Variants in TMEM178B observed in about 807,000 individuals in gnomAD.
The protein encoded by TMEM178B is transmembrane protein 178B.
A neutral mutation model predicts 31.0 loss-of-function variants in TMEM178B; 5 were observed. The ratio of observed to expected loss-of-function variants is 0.16; its 90% confidence interval spans 0.08 to 0.34. The LOEUF is 0.34. Ranked by LOEUF, TMEM178B falls within the 10% of genes least tolerant of loss-of-function variation. The pLI is 1.00. For synonymous variants in TMEM178B, 164 were observed against 164.0 expected, an observed-to-expected ratio of 1.00 and a Z score of 0.00; for missense variants, 275 against 400.3, an observed-to-expected ratio of 0.69 and a Z score of 2.67.
At chr7:141,281,528 C>T (rs552007910) in intron 2 of TMEM178B, among the ~76,000 whole-genome samples, 23 of 152,314 alleles carry the variant, frequency 1.5e-4, no homozygotes, top group Non-Finnish European at 2.9e-4. Context: ...ATACTGGGAA[C>T]ATGAAGTCCA....
At chr7:141,411,206 G>A (rs1055756485) in intron 2 of TMEM178B, among the ~76,000 whole-genome samples, 4 of 151,588 alleles carry the variant, frequency 2.6e-5, no homozygotes, top group South Asian at 4.2e-4. Flanking sequence ...CATTTTACTC[G>A]AATAAAATAA....
the TMEM178B span, among the ~76,000 whole-genome samples, chr7:141,504,130 C>T: frequency 2.6e-5 from 4 of 152,218 alleles, no homozygotes; most frequent in African/African-American, 7.2e-5. Flanking sequence ...ATTCTAATCA[C>T]ACCTGTTTCT....
At chr7:141,339,417 T>A (rs895711620) in intron 2 of TMEM178B, among the ~76,000 whole-genome samples, 1 of 152,150 alleles carries the variant, frequency 6.6e-6, no homozygotes, top group Non-Finnish European at 1.5e-5. Context: ...CAGCAATGGT[T>A]CAGGAAACCA....
chr7:141,150,149 C>T (rs1376025442), intron 1 of TMEM178B, among the ~76,000 whole-genome samples: 2 of 152,070 alleles, frequency 1.3e-5, no homozygotes, highest in African/African-American at 4.8e-5. Flanking sequence ...GAGTCAGAAG[C>T]TGAGCCAGAG....
chr7:141,331,740 T>C (rs7799561), intron 2 of TMEM178B, among the ~76,000 whole-genome samples: 15,091 of 152,158 alleles, frequency 0.099, 1,663 homozygotes, highest in African/African-American at 0.28. Context: ...ACAGTTTCAG[T>C]GGCTGATGCA....
At position 141,247,031 on chromosome 7, in the gene TMEM178B, G is replaced by A. The variant is rs554396421; in HGVS notation, c.496+34327G>A. On this transcript the variant is annotated intron_variant, in intron 2 of 3. Coordinates refer to ENST00000565468, the MANE Select transcript of TMEM178B (RefSeq NM_001195278.2). ...GTCAGGGAACATGTGTCTCTGATTC[G>A]CGATAGGACTTTTCCCAGTATCTAG... 4.1e-4 allele frequency among the ~76,000 whole-genome samples: 63 copies of A among 152,144 alleles called. 1 individual carries two copies. The highest frequency in any genetic ancestry group is 1.4e-3 in the African/African-American group (59 of 41,492).
At chr7:141,347,208 C>A (rs913206591) in intron 2 of TMEM178B, among the ~76,000 whole-genome samples, 1 of 152,040 alleles carries the variant, frequency 6.6e-6, no homozygotes, top group Non-Finnish European at 1.5e-5. Context: ...AGTGCGAGAA[C>A]GAGAACAGCC....
intron 2 of TMEM178B, among the ~76,000 whole-genome samples, chr7:141,294,681 T>C (rs1798601589): frequency 6.6e-6 from 1 of 152,298 alleles, no homozygotes; most frequent in South Asian, 2.1e-4. Context: ...CAAAGTTGGT[T>C]TCAGGGGGCA....
Position 141,374,123 on chromosome 7 carries a change from C to A in TMEM178B, c.497-63485C>A, listed in dbSNP as rs536953673. Among the ~76,000 whole-genome samples the A allele has an allele frequency of 4.6e-5, 7 of 152,262 alleles. No homozygotes were observed. The East Asian group carries it at 1.4e-3, about 29-fold the overall frequency. ...CTGGGTCACCAAGGTAAGCGTGTTT[C>A]TGATGTGAAGTCCGGGACTGTAAAC... On this transcript the variant is annotated intron_variant, in intron 2 of 3. Coordinates refer to ENST00000565468, the MANE Select transcript of TMEM178B (RefSeq NM_001195278.2).
At chr7:141,154,086 A>C (rs903430256) in intron 1 of TMEM178B, among the ~76,000 whole-genome samples, 2 of 152,210 alleles carry the variant, frequency 1.3e-5, no homozygotes, top group African/African-American at 4.8e-5. Flanking sequence ...CAACTTTCCC[A>C]TTTCTATTTA....
chr7:141,173,324 A>G (rs1796377094), intron 1 of TMEM178B: 1 of 152,288 alleles, frequency 6.6e-6, no homozygotes, highest in African/African-American at 2.4e-5. Flanking sequence ...CCCAGTACCT[A>G]GTACCATGCC....
At chr7:141,366,277 T>G (rs1339780973) in intron 2 of TMEM178B, among the ~76,000 whole-genome samples, 1 of 152,156 alleles carries the variant, frequency 6.6e-6, no homozygotes, top group African/African-American at 2.4e-5. Context: ...TCCTGACCAC[T>G]CCCTCTCCTG....
chr7:141,187,647 G>C (rs984154994), intron 1 of TMEM178B, among the ~76,000 whole-genome samples: 3 of 152,238 alleles, frequency 2.0e-5, no homozygotes, highest in Admixed American at 2.0e-4. Flanking sequence ...ACTGGTGTGA[G>C]ATGGTATCTC....
intron 2 of TMEM178B, among the ~76,000 whole-genome samples, chr7:141,392,379 A>C (rs1235294571): frequency 1.3e-5 from 2 of 152,198 alleles, no homozygotes; most frequent in Non-Finnish European, 2.9e-5. Context: ...GAAATCCATT[A>C]TCCAAATCTA....
At chr7:141,450,754 A>G (rs1801849234) in intron 3 of TMEM178B, among the ~76,000 whole-genome samples, 1 of 152,204 alleles carries the variant, frequency 6.6e-6, no homozygotes, top group Non-Finnish European at 1.5e-5. Context: ...AACAGTAGAC[A>G]CTGTTCCAAC....
At chr7:141,434,796 C>T (rs528876799) in intron 2 of TMEM178B, among the ~76,000 whole-genome samples, 3 of 152,240 alleles carry the variant, frequency 2.0e-5, no homozygotes, top group South Asian at 2.1e-4. Context: ...CTCTGGTAAC[C>T]GTTACTGTAC....
At chr7:141,407,417 G>GCT (rs1290011562) in intron 2 of TMEM178B, among the ~76,000 whole-genome samples, 1 of 152,212 alleles carries the variant, frequency 6.6e-6, no homozygotes, top group Non-Finnish European at 1.5e-5. Flanking sequence ...TAGATTGCTT[G>GCT]CTCCTGGATG....
chr7:141,230,956 C>A (rs1797432371), intron 2 of TMEM178B, among the ~76,000 whole-genome samples: 1 of 152,160 alleles, frequency 6.6e-6, no homozygotes, highest in Non-Finnish European at 1.5e-5. Context: ...CCTCCCTTGG[C>A]CTCCCACTTT....
intron 2 of TMEM178B, among the ~76,000 whole-genome samples, chr7:141,246,266 A>C (rs975546064): frequency 4.6e-5 from 7 of 152,248 alleles, no homozygotes; most frequent in African/African-American, 1.4e-4. Context: ...ATTACCAAAT[A>C]TCTATTACTT....
Sources: allele counts gnomAD v4.1 joint callset (sites outside exome capture counted in the v4.1 genomes callset), GRCh38; gene constraint gnomAD v4.1.1; transcripts MANE v1.5; gene names NCBI Gene and HGNC (gene_info 2026-07-23, HGNC 2026-07-21).